DNAAF11: variants seen among roughly 807,000 people sequenced by gnomAD.
DNAAF11 encodes the protein dynein axonemal assembly factor 11.
DNAAF11 carries 45 observed loss-of-function variants against 60.8 expected under a neutral mutation model. That is an observed-to-expected ratio of 0.74 (90% CI 0.58 to 0.95). The LOEUF is 0.95. Ranked by LOEUF, DNAAF11 falls within the 40% of genes least tolerant of loss-of-function variation. The pLI is 0.00. For synonymous variants in DNAAF11, 191 were observed against 183.5 expected (o/e 1.04, Z -0.33); for missense variants, 546 against 546.2 (o/e 1.00, Z 0.00).
rs367855250 is a variant in DNAAF11, at chr8:132,626,846, T to C, written c.654-1392A>G. Among the ~76,000 whole-genome samples the C allele has an allele frequency of 1.3e-3, 202 of 152,324 alleles. 3 individuals are homozygous for C. Among genetic ancestry groups the C allele is most frequent in the African/African-American group, 4.7e-3 (196 of 41,572 alleles). ...AATGAGGTGACAAGAAAGGCTTCTTTAGCTGATCTTCAAACTAAAGATATT... is the reference window on the plus strand; with the variant it reads ...AATGAGGTGACAAGAAAGGCTTCTTCAGCTGATCTTCAAACTAAAGATATT... On this transcript the variant is annotated intron_variant, in intron 5 of 11. Coordinates refer to ENST00000620350, the MANE Select transcript of DNAAF11 (RefSeq NM_012472.6).
At chr8:132,691,927 G>A in the DNAAF11 span, among the ~76,000 whole-genome samples, 1 of 152,162 alleles carries the variant, frequency 6.6e-6, no homozygotes, top group Admixed American at 6.5e-5. Context: ...CGTGGGAGAT[G>A]CAGCCGCCTC....
At chr8:132,632,987 G>C in intron 4 of DNAAF11, 24 bp from the exon 5 acceptor site, 5 of 1,525,760 alleles carry the variant, frequency 3.3e-6, no homozygotes, top group South Asian at 1.1e-5. Flanking sequence ...AATAAATATA[G>C]TACAATTGTT....
chr8:132,585,319 A>G (rs928744821), intron 10 of DNAAF11, among the ~76,000 whole-genome samples: 1 of 152,188 alleles, frequency 6.6e-6, no homozygotes, highest in African/African-American at 2.4e-5. Flanking sequence ...AAAATGCAAC[A>G]CGTGTATGGA....
At chr8:132,629,274 T>C (rs948865897) in intron 5 of DNAAF11, among the ~76,000 whole-genome samples, 1 of 151,796 alleles carries the variant, frequency 6.6e-6, no homozygotes, top group Non-Finnish European at 1.5e-5. Flanking sequence ...TTATACTTAA[T>C]GATGAGAAAT....
At position 132,625,385 on chromosome 8, in the gene DNAAF11, G is replaced by T. The variant is rs776328128; in HGVS notation, c.723C>A (p.Asp241Glu). The T allele has an allele frequency of 6.2e-7, 1 of 1,613,372 alleles. No individual in the cohort carries two copies. Among genetic ancestry groups the T allele is most frequent in the South Asian group, 1.1e-5 (1 of 90,940 alleles). Reference sequence around the variant, plus strand: ...AGAATTCCAAGTCATCTTCACTGTTGTCTAATTTCTTTGTGTTGTGTTCCT... The same window carrying T: ...AGAATTCCAAGTCATCTTCACTGTTTTCTAATTTCTTTGTGTTGTGTTCCT... ...DTEEHNTKKL[D>E]NSEDDLEFWN... The change falls in exon 6 of 12, where the codon GAC becomes GAA. Residue 241 changes from aspartate to glutamate, a missense_variant. Transcript: ENST00000620350.
At chr8:132,640,215 G>T (rs1485997107) in intron 3 of DNAAF11, among the ~76,000 whole-genome samples, 1 of 152,080 alleles carries the variant, frequency 6.6e-6, no homozygotes, top group Non-Finnish European at 1.5e-5. Flanking sequence ...CTCTCTCCTT[G>T]TTCTCCTTAT....
intron 1 of DNAAF11, among the ~76,000 whole-genome samples, chr8:132,665,323 G>A (rs996333274): frequency 1.1e-4 from 17 of 151,760 alleles, no homozygotes; most frequent in South Asian, 6.2e-4. Flanking sequence ...AAGCATTTTC[G>A]GTTTTATATA....
intron 5 of DNAAF11, among the ~76,000 whole-genome samples, chr8:132,629,459 G>A (rs1431156285): frequency 2.6e-5 from 4 of 151,128 alleles, no homozygotes; most frequent in Non-Finnish European, 4.4e-5. Context: ...GCCATTCTCC[G>A]GCCTCAACCT....
At chr8:132,666,586 C>T (rs746704107) in intron 1 of DNAAF11, among the ~76,000 whole-genome samples, 41 of 152,082 alleles carry the variant, frequency 2.7e-4, no homozygotes, top group African/African-American at 7.0e-4. Context: ...AACCCAGCTG[C>T]GGCTTCAGAA....
chr8:132,693,950 G>A, the DNAAF11 span, among the ~76,000 whole-genome samples: 1 of 152,178 alleles, frequency 6.6e-6, no homozygotes, highest in Non-Finnish European at 1.5e-5. Context: ...AGGGACATGG[G>A]AGCAATTGGA....
In DNAAF11 at chr8:132,611,382, A is replaced by G. The variant is rs745737758; in HGVS notation, c.975-19T>C. 2.8e-6 allele frequency: 4 copies of G among 1,430,168 alleles called. No homozygotes were observed. Among genetic ancestry groups the G allele is most frequent in the South Asian group, 2.3e-5 (2 of 85,290 alleles). The allele number at this position is 1,430,168 out of a possible 1,614,324, so 88.6% of individuals were successfully genotyped here. ...CATATACCTTCAAAATTAAACACAG[A>G]AAATCTTATAATTTTAAAAAATATC... On this transcript the variant is annotated intron_variant, in intron 8 of 11. Coordinates refer to ENST00000620350, the MANE Select transcript of DNAAF11 (RefSeq NM_012472.6).
At chr8:132,666,942 A>G (rs1824693814) in intron 1 of DNAAF11, among the ~76,000 whole-genome samples, 1 of 152,160 alleles carries the variant, frequency 6.6e-6, no homozygotes, top group African/African-American at 2.4e-5. Flanking sequence ...ATTCAAGAGA[A>G]TGGGGCAGAT....
At chr8:132,635,021 C>T (rs562751629) in intron 4 of DNAAF11, among the ~76,000 whole-genome samples, 1 of 152,258 alleles carries the variant, frequency 6.6e-6, no homozygotes, top group African/African-American at 2.4e-5. Flanking sequence ...TCCTAAAAGG[C>T]TATGACAACT....
chr8:132,573,567 T>G (rs1466238721), intron 11 of DNAAF11, among the ~76,000 whole-genome samples: 4 of 152,212 alleles, frequency 2.6e-5, no homozygotes, highest in Non-Finnish European at 5.9e-5. Context: ...GTTGAATAGA[T>G]GAAAAATATT....
In DNAAF11 at chr8:132,656,916, CA is replaced by C; in HGVS notation, c.179-10del. 2 of 1,079,968 alleles carry C rather than the reference CA, an allele frequency of 1.9e-6. No homozygotes were observed. The highest frequency in any genetic ancestry group is 2.8e-6 in the Non-Finnish European group (2 of 719,804). 66.9% of individuals were successfully genotyped at this position (1,079,968 alleles called of 1,614,324 possible). On this transcript the variant is annotated splice_polypyrimidine_tract_variant and intron_variant, in intron 2 of 11. Coordinates refer to ENST00000620350, the MANE Select transcript of DNAAF11 (RefSeq NM_012472.6). ...GAGTTTGCTAACATTTTCTGAAATA[CA>C]AGATAATGTAGTTAAGATAATTAAT...
At chr8:132,669,940 CAAAAAAAAAAAA>C (rs35402875) in intron 1 of DNAAF11, among the ~76,000 whole-genome samples, 10,640 of 70,430 alleles carry the variant, frequency 0.15, 1,153 homozygotes, top group African/African-American at 0.34. Context: ...GACTCCGTCT[CAAAAAAAAAAAA>C]AAAAAAAAAA....
chr8:132,658,523 G>C (rs1823808709), intron 2 of DNAAF11, among the ~76,000 whole-genome samples: 1 of 152,044 alleles, frequency 6.6e-6, no homozygotes, highest in Non-Finnish European at 1.5e-5. Context: ...GGGTTTCACT[G>C]TGTTAGCCAG....
chr8:132,693,238 G>A, the DNAAF11 span, among the ~76,000 whole-genome samples: 1 of 152,186 alleles, frequency 6.6e-6, no homozygotes, highest in Non-Finnish European at 1.5e-5. Flanking sequence ...TTCAGAGTGA[G>A]CATATGCACA....
At chr8:132,621,782 G>A (rs1055474008) in intron 7 of DNAAF11, among the ~76,000 whole-genome samples, 2 of 152,122 alleles carry the variant, frequency 1.3e-5, no homozygotes, top group African/African-American at 4.8e-5. Context: ...GAGCAACTCA[G>A]AAACACCACC....
Sources: allele counts gnomAD v4.1 joint callset (sites outside exome capture counted in the v4.1 genomes callset), GRCh38; gene constraint gnomAD v4.1.1; transcripts MANE v1.5; gene names NCBI Gene and HGNC (gene_info 2026-07-23, HGNC 2026-07-21).